Variants in ABCC12 observed in about 807,000 individuals in gnomAD.
The protein encoded by ABCC12 is ATP binding cassette subfamily C member 12, also known as ATP-binding cassette sub-family C member 12.
ABCC12 carries 142 observed loss-of-function variants against 151.1 expected under a neutral mutation model. That is an observed-to-expected ratio of 0.94 (90% confidence interval 0.82 to 1.08). The LOEUF is 1.08. Among genes scored for constraint, ABCC12 ranks in the 50% least tolerant of loss-of-function variants. The pLI, the probability that ABCC12 is intolerant of heterozygous loss-of-function variation, is 0.00. For synonymous variants in ABCC12, 645 were observed against 646.4 expected (o/e 1.00, Z 0.03); for missense variants, 1,638 against 1,691.1 (o/e 0.97, Z 0.55).
At chr16:48,117,124 G>A (rs1296973767) in intron 14 of ABCC12, 137 bp downstream of exon 14, 2 of 730,126 alleles carry the variant, frequency 2.7e-6, no homozygotes, top group African/African-American at 3.5e-5. Context: ...AATTCAGAAT[G>A]GGTGGAACCT....
Position 48,141,225 on chromosome 16 carries a change from A to C in ABCC12, c.404T>G (p.Ile135Ser). 1 of 1,614,088 alleles carries C rather than the reference A, an allele frequency of 6.2e-7. No homozygotes were observed. Among genetic ancestry groups the C allele is most frequent in the East Asian group, 2.2e-5 (1 of 44,872 alleles). ...ACTCACCGGCCCTATGGCTGCCATGATGATGCACAGGATGTTGGCCACGAT... is the reference window on the plus strand; with the variant it reads ...ACTCACCGGCCCTATGGCTGCCATGCTGATGCACAGGATGTTGGCCACGAT... The part of the protein sequence containing the change: ...MDIVANILCI[I>S]MAAIGPTVLI... Residue 135 changes from isoleucine (I) to serine (S), a missense_variant, in exon 5 of 31, where the codon ATC (isoleucine) becomes AGC (serine). Ile to Ser is a moderately radical substitution (Grantham distance 142). Transcript: ENST00000311303.
In ABCC12 at chr16:48,127,101, C is replaced by T. The variant is rs565492524; in HGVS notation, c.1515+1358G>A. On this transcript the variant is annotated intron_variant, in intron 11 of 30. Coordinates refer to ENST00000311303, the MANE Select transcript of ABCC12 (RefSeq NM_001393797.1). Reference sequence around the variant, plus strand: ...AACTAAATATCGTTTCCAATGAATACGTGGCAGACAGCTTTGTTAGCTATG... The same window carrying T: ...AACTAAATATCGTTTCCAATGAATATGTGGCAGACAGCTTTGTTAGCTATG... Among the ~76,000 whole-genome samples the T allele has an allele frequency of 4.9e-4, 75 of 152,264 alleles. 1 individual carries two copies. The South Asian group carries it at 7.5e-3, about 15-fold the overall frequency.
chr16:48,148,817 T>C (rs1965077757), intron 2 of ABCC12, among the ~76,000 whole-genome samples: 1 of 151,560 alleles, frequency 6.6e-6, no homozygotes, highest in South Asian at 2.1e-4. Context: ...TTGACCAATT[T>C]CTGCTCAGCC....
chr16:48,118,270 C>A (rs980388312), intron 13 of ABCC12, among the ~76,000 whole-genome samples: 2 of 152,304 alleles, frequency 1.3e-5, no homozygotes, highest in Non-Finnish European at 1.5e-5. Context: ...ATGACAGATG[C>A]CCACACCCTC....
At chr16:48,112,698 C>T (rs1963738916) in intron 15 of ABCC12, among the ~76,000 whole-genome samples, 1 of 152,130 alleles carries the variant, frequency 6.6e-6, no homozygotes, top group South Asian at 2.1e-4. Flanking sequence ...ATATGATCTT[C>T]ACGAAGGTCC....
intron 16 of ABCC12, 52 bp from the exon 17 acceptor site, chr16:48,111,714 A>G (rs1330745313): frequency 6.2e-7 from 1 of 1,614,070 alleles, no homozygotes; most frequent in South Asian, 1.1e-5. Context: ...GACCTCTCCC[A>G]GGCACGAAAT....
chr16:48,104,405 T>A (rs767926008), intron 21 of ABCC12, 37 bp from the exon 22 acceptor site: 1 of 1,591,246 alleles, frequency 6.3e-7, no homozygotes, highest in Non-Finnish European at 8.6e-7. Flanking sequence ...AGAGTCGAGA[T>A]GCGTGCTTAG....
chr16:48,086,701 C>T, intron 28 of ABCC12, 40 bp downstream of exon 28: 1 of 1,555,190 alleles, frequency 6.4e-7, no homozygotes, highest in Non-Finnish European at 8.9e-7. Flanking sequence ...GGCAGTGGTG[C>T]TGGGAAACAA....
In ABCC12 at chr16:48,082,277, T is replaced by G. The variant is rs1296688596; in HGVS notation, c.*1438A>C. On this transcript the variant is annotated 3_prime_UTR_variant, in exon 31 of 31. Coordinates refer to ENST00000311303, the MANE Select transcript of ABCC12 (RefSeq NM_001393797.1). ...TTCATGCAGTTGCCAGGTTATAAGC[T>G]CTACCTAAGGCCAGGTGTGCTCACC... Among the ~76,000 whole-genome samples, 1 of 152,162 alleles carries G rather than the reference T, an allele frequency of 6.6e-6. No individual in the cohort carries two copies. Among genetic ancestry groups the G allele is most frequent in the Non-Finnish European group, 1.5e-5 (1 of 68,020 alleles).
intron 19 of ABCC12, among the ~76,000 whole-genome samples, chr16:48,107,802 G>C (rs939131586): frequency 2.0e-5 from 3 of 152,204 alleles, no homozygotes; most frequent in Non-Finnish European, 4.4e-5. Context: ...AGGAGTTCGA[G>C]ACTAGCCTGG....
At position 48,105,980 on chromosome 16, in the gene ABCC12, G is replaced by A. The variant is rs76670923; in HGVS notation, c.2476-644C>T. The stretch of plus-strand genomic sequence containing the variant: ...TTCAAAGAATCTGTGGCTCCATCCT[G>A]CCCAGTGAAAACACACAATTTTGCC... On this transcript the variant is annotated intron_variant, in intron 20 of 30. Transcript: ENST00000311303. Among the ~76,000 whole-genome samples the A allele has an allele frequency of 9.5e-4, 145 of 152,322 alleles. 2 individuals are homozygous for A. The East Asian group carries it at 0.025, about 26-fold the overall frequency.
chr16:48,119,946 A>C (rs1465112978), intron 13 of ABCC12, among the ~76,000 whole-genome samples: 1 of 152,182 alleles, frequency 6.6e-6, no homozygotes, highest in African/African-American at 2.4e-5. Context: ...TTTATCTGTA[A>C]AATGGGGATA....
intron 8 of ABCC12, among the ~76,000 whole-genome samples, 196 bp from the exon 9 acceptor site, chr16:48,134,031 C>T (rs957613357): frequency 1.2e-4 from 19 of 152,130 alleles, no homozygotes; most frequent in African/African-American, 4.6e-4. Context: ...TGTCAGCTGC[C>T]GTAAGTGGAT....
In ABCC12 at chr16:48,155,400, A is replaced by G. The variant is rs112934375; in HGVS notation, c.-320+441T>C. Among the ~76,000 whole-genome samples the G allele has an allele frequency of 9.4e-4, 142 of 151,868 alleles. 3 individuals carry two copies. The highest frequency in any genetic ancestry group is 3.0e-3 in the African/African-American group (124 of 41,456). On this transcript the variant is annotated intron_variant, in intron 1 of 30. Transcript: ENST00000311303. ...TTAAAAAAAAAAAAAAAAGAAAGAAAGATGAAAACCTCATATGAGAACTGC... is the reference window on the plus strand; with the variant it reads ...TTAAAAAAAAAAAAAAAAGAAAGAAGGATGAAAACCTCATATGAGAACTGC...
chr16:48,125,137 G>T (rs1394582574), intron 11 of ABCC12, among the ~76,000 whole-genome samples: 1 of 152,214 alleles, frequency 6.6e-6, no homozygotes, highest in African/African-American at 2.4e-5. Flanking sequence ...TTTGGAAGGT[G>T]CAGGAAATTC....
Position 48,138,263 on chromosome 16 carries a change from T to C in ABCC12, c.944A>G (p.Tyr315Cys). The change falls in exon 8 of 31, where the codon TAT becomes TGT. Residue 315 changes from tyrosine to cysteine, a missense_variant. Coordinates refer to ENST00000311303, the MANE Select transcript of ABCC12 (RefSeq NM_001393797.1). ...FLTCIRLIKM[Y>C]AWEKSFTNTI... ...GTTGGTAAAAGATTTCTCCCAGGCA[T>C]ACATTTTGATCAGCCTGATGCAGGT... 1.9e-6 allele frequency: 3 copies of C among 1,611,990 alleles called. No individual in the cohort carries two copies. Among genetic ancestry groups the C allele is most frequent in the Non-Finnish European group, 2.5e-6 (3 of 1,178,336 alleles).
At chr16:48,097,274 T>C (rs1314240872) in intron 23 of ABCC12, among the ~76,000 whole-genome samples, 2 of 151,708 alleles carry the variant, frequency 1.3e-5, no homozygotes, top group East Asian at 3.9e-4. Context: ...GTGGAGTCAG[T>C]CACCCTCAAA....
At position 48,115,494 on chromosome 16, in the gene ABCC12, A is replaced by T; in HGVS notation, c.1910T>A (p.Val637Glu). The T allele has an allele frequency of 6.2e-7, 1 of 1,614,094 alleles. No homozygotes were observed. ...GCACTCCTCAAAGACGTGCTTCCCC[A>T]CGTGGGCGTCCACGGCCGACAGGGG... ...DDPLSAVDAH[V>E]GKHVFEECIK... Residue 637 changes from valine to glutamate, a missense_variant, in exon 15 of 31, where the codon GTG (valine) becomes GAG (glutamate). Coordinates refer to ENST00000311303, the MANE Select transcript of ABCC12 (RefSeq NM_001393797.1).
intron 1 of ABCC12, among the ~76,000 whole-genome samples, chr16:48,154,555 A>T (rs1198434435): frequency 6.6e-6 from 1 of 152,178 alleles, no homozygotes; most frequent in African/African-American, 2.4e-5. Flanking sequence ...GGGGTCATGT[A>T]ACATTTATTA....
Sources: allele counts gnomAD v4.1 joint callset (sites outside exome capture counted in the v4.1 genomes callset), GRCh38; gene constraint gnomAD v4.1.1; transcripts MANE v1.5; gene names NCBI Gene and HGNC (gene_info 2026-07-23, HGNC 2026-07-21).